Variants in PRAMEF14 observed in about 807,000 individuals in gnomAD.
PRAMEF14 encodes PRAME family member 14.
PRAMEF14 carries 24 observed loss-of-function variants against 38.3 expected under a neutral mutation model. The ratio of observed to expected loss-of-function variants is 0.63; its 90% CI spans 0.45 to 0.88. The LOEUF is 0.88. Ranked by LOEUF, PRAMEF14 falls within the 40% of genes least tolerant of loss-of-function variation. The pLI, the probability that PRAMEF14 is intolerant of heterozygous loss-of-function variation, is 0.00. For synonymous variants in PRAMEF14, 194 were observed against 226.4 expected (o/e 0.86, Z 1.29); for missense variants, 477 against 570.8 (o/e 0.84, Z 1.67).
At chr1:13,345,541 A>G (rs1363454151) in intron 1 of PRAMEF14, among the ~76,000 whole-genome samples, 2 of 150,674 alleles carry the variant, frequency 1.3e-5, no homozygotes, top group Non-Finnish European at 3.0e-5. Context: ...GCCAAGCTCT[A>G]CCTCTTTGAG....
At chr1:13,344,671 T>G in intron 2 of PRAMEF14, 55 bp from the exon 3 acceptor site, 1 of 1,601,310 alleles carries the variant, frequency 6.2e-7, no homozygotes, top group Non-Finnish European at 8.5e-7. Context: ...TCCCTGACCT[T>G]TGCTTTCATT....
At position 13,342,580 on chromosome 1, in the gene PRAMEF14, G is replaced by C; in HGVS notation, c.1373C>G (p.Pro458Arg). ...CTCAGACGGTGATGAGCCACAGGAA[G>C]GGCAGGGGGTGGGACCAATGAAGAT... ...KRIFIGPTPC[P>R]SCGSSPSEEL... The change falls in exon 4 of 4, where the codon CCT becomes CGT. Residue 458 changes from proline (P) to arginine (R), a missense_variant. This residue lies in a region of PRAMEF14 where 151 missense variants were observed against 137.4 expected (regional missense o/e 1.10). Coordinates refer to ENST00000334600, the MANE Select transcript of PRAMEF14 (RefSeq NM_001024661.2). 1.9e-6 allele frequency: 3 copies of C among 1,604,778 alleles called. No individual in the cohort carries two copies. Among genetic ancestry groups the C allele is most frequent in the Non-Finnish European group, 2.5e-6 (3 of 1,177,534 alleles).
At chr1:13,346,836 A>G (rs1390559157) in intron 1 of PRAMEF14, among the ~76,000 whole-genome samples, 1 of 150,702 alleles carries the variant, frequency 6.6e-6, no homozygotes, top group African/African-American at 2.4e-5. Flanking sequence ...TTTTTAAAAA[A>G]CCTGCTTCGA....
At chr1:13,343,183 T>C in intron 3 of PRAMEF14, 97 bp from the exon 4 acceptor site, 1 of 686,112 alleles carries the variant, frequency 1.5e-6, no homozygotes, top group Middle Eastern at 4.1e-4. Context: ...AAACACAAGT[T>C]TGTTCCCACC....
chr1:13,343,454 G>A (rs1640358801), intron 3 of PRAMEF14: 1 of 573,340 alleles, frequency 1.7e-6, no homozygotes, highest in Non-Finnish European at 3.0e-6. Context: ...CATGTCGGCA[G>A]GGGCTCCCTG....
In PRAMEF14 at chr1:13,344,040, G is replaced by T. The variant is rs1408558679; in HGVS notation, c.864C>A (p.Ile288=). The change falls in exon 3 of 4, where the codon ATC becomes ATA. Residue 288 remains isoleucine (I), a splice_region_variant and synonymous_variant. Transcript: ENST00000334600. ...TFFSGHLEQL[I]RCLQNPLENL... ...TAAAGTGCATGATCCTTCCTCACCT[G>T]ATCAGCTGTTCCAGGTGCCCACTGA... is the stretch of plus-strand genomic sequence containing the variant. 2 of 1,608,338 alleles carry T rather than the reference G, an allele frequency of 1.2e-6. No individual in the cohort carries two copies. Among genetic ancestry groups the T allele is most frequent in the African/African-American group, 2.7e-5 (2 of 74,736 alleles).
In PRAMEF14 at chr1:13,342,972, G is replaced by A. The variant is rs1311502747; in HGVS notation, c.981C>T (p.Leu327=). The A allele has an allele frequency of 3.7e-6, 6 of 1,609,292 alleles. No homozygotes were observed. The Admixed American group carries it at 5.0e-5, about 13-fold the overall frequency. ...TGATGCGGAACAGCAGCACGTAGCT[G>A]AGATTCAGATGCTTTAGGTAACCGA... ...PSLGYLKHLN[L]SYVLLFRISL... The change falls in exon 4 of 4, where the codon CTC becomes CTT. Residue 327 remains leucine (L), a synonymous_variant. Coordinates refer to ENST00000334600, the MANE Select transcript of PRAMEF14 (RefSeq NM_001024661.2).
chr1:13,344,076 C>G lies in PRAMEF14; in HGVS notation c.828G>C (p.Leu276Phe), dbSNP rs2100352161. 6.2e-7 allele frequency: 1 copy of G among 1,608,762 alleles called. No individual in the cohort carries two copies. Among genetic ancestry groups the G allele is most frequent in the East Asian group, 2.4e-5 (1 of 42,300 alleles). The change falls in exon 3 of 4, where the codon TTG (leucine) becomes TTC (phenylalanine). Residue 276 changes from leucine to phenylalanine, a missense_variant. Leu to Phe is a conservative substitution (Grantham distance 22). Transcript: ENST00000334600. Reference protein sequence around the residue: ...LEHLQLLKIKLITFFSGHLEQ... With the variant: ...LEHLQLLKIKFITFFSGHLEQ... Reference sequence around the variant, plus strand: ...CCAGGTGCCCACTGAAGAAGGTGATCAATTTTATTTTAAGCAACTGGAGGT... The same window carrying G: ...CCAGGTGCCCACTGAAGAAGGTGATGAATTTTATTTTAAGCAACTGGAGGT...
In PRAMEF14 at chr1:13,345,087, C is replaced by A. The variant is rs1422369484; in HGVS notation, c.228G>T (p.Glu76Asp). 8 of 1,587,412 alleles carry A rather than the reference C, an allele frequency of 5.0e-6. No homozygotes were observed. The highest frequency in any genetic ancestry group is 2.3e-4 in the Middle Eastern group (1 of 4,428). The change falls in exon 2 of 4, where the codon GAG (glutamate) becomes GAT (aspartate). Residue 76 changes from glutamate (E) to aspartate (D), a missense_variant. By Grantham distance (45) the Glu-to-Asp change is conservative. Around this residue, in one of 4 missense-constraint regions of PRAMEF14, gnomAD observed 58 missense variants for 119.9 expected, o/e 0.48. Coordinates refer to ENST00000334600, the MANE Select transcript of PRAMEF14 (RefSeq NM_001024661.2). ...GCCCTTCCAGCAATGCTTTTAAGGT[C>A]TCCAAATGAAGCGTCTTCATCAGTG... ...LGSLMKTLHLETLKALLEGLH... is the reference protein window; with the variant it reads ...LGSLMKTLHLDTLKALLEGLH...
In PRAMEF14 at chr1:13,344,138, C is replaced by T. The variant is rs1640368402; in HGVS notation, c.766G>A (p.Val256Ile). Residue 256 changes from valine (V) to isoleucine (I), a missense_variant, in exon 3 of 4, where the codon GTC (valine) becomes ATC (isoleucine). Around this residue, in one of 4 missense-constraint regions of PRAMEF14, gnomAD observed 234 missense variants for 247.4 expected, o/e 0.95. Coordinates refer to ENST00000334600, the MANE Select transcript of PRAMEF14 (RefSeq NM_001024661.2). ...MSDNELEGRL[V>I]TKFSSVFLRL... ...AGGAACACAGAGCTGAATTTGGTGA[C>T]TAACCGTCCTTCGAGTTCATTATCT... 6.2e-7 allele frequency: 1 copy of T among 1,606,314 alleles called. No individual in the cohort carries two copies. Among genetic ancestry groups the T allele is most frequent in the African/African-American group, 1.3e-5 (1 of 74,796 alleles).
intron 1 of PRAMEF14, among the ~76,000 whole-genome samples, chr1:13,345,739 C>G (rs1336044980): frequency 3.0e-3 from 443 of 147,716 alleles, no homozygotes; most frequent in South Asian, 5.8e-3. Flanking sequence ...TGCTGTGGCT[C>G]ATGTCTGTAA....
In PRAMEF14 at chr1:13,342,814, G is replaced by T. The variant is rs759014129; in HGVS notation, c.1139C>A (p.Thr380Asn). Residue 380 changes from threonine (T) to asparagine (N), a missense_variant, in exon 4 of 4, where the codon ACC becomes AAC. Thr to Asn is a moderately conservative substitution (Grantham distance 65, BLOSUM62 0). Around this residue, in one of 4 missense-constraint regions of PRAMEF14, gnomAD observed 151 missense variants for 137.4 expected, o/e 1.10. Coordinates refer to ENST00000334600, the MANE Select transcript of PRAMEF14 (RefSeq NM_001024661.2). ...LPGLSHCSQL[T>N]TFYFGRNCMS... ...ACAATTTCTGCCAAAGTAGAAGGTGGTGAGCTGGGAGCAGTGGCTCAGGCC... is the reference window on the plus strand; with the variant it reads ...ACAATTTCTGCCAAAGTAGAAGGTGTTGAGCTGGGAGCAGTGGCTCAGGCC... The T allele has an allele frequency of 6.2e-7, 1 of 1,607,786 alleles. No homozygotes were observed. The highest frequency in any genetic ancestry group is 2.3e-5 in the East Asian group (1 of 42,684).
rs1640406672 is a variant in PRAMEF14 at position 13,346,497 on chromosome 1, A to C, written c.-26+560T>G. Among the ~76,000 whole-genome samples, 3 of 150,162 alleles carry C rather than the reference A, an allele frequency of 2.0e-5. 1 individual carries two copies. The South Asian group carries it at 6.4e-4, about 32-fold the overall frequency. ...ACTGCAGCCTGGGCAACAATAGGGA[A>C]ACTCCATCTCAAAAACTGTAAAAGT... is the stretch of plus-strand genomic sequence containing the variant. On this transcript the variant is annotated intron_variant, in intron 1 of 3. Coordinates refer to ENST00000334600, the MANE Select transcript of PRAMEF14 (RefSeq NM_001024661.2).
chr1:13,346,190 C>T (rs1640402978), intron 1 of PRAMEF14, among the ~76,000 whole-genome samples: 1 of 150,782 alleles, frequency 6.6e-6, no homozygotes, highest in Non-Finnish European at 1.5e-5. Flanking sequence ...TGGTATTCCA[C>T]AGCATTTGGA....
At chr1:13,345,898 A>G (rs1326828539) in intron 1 of PRAMEF14, among the ~76,000 whole-genome samples, 4,746 of 147,678 alleles carry the variant, frequency 0.032, 121 homozygotes, top group East Asian at 0.18. Flanking sequence ...GCAGTGAGCC[A>G]AGATCTCACC....
chr1:13,344,955 T>C (rs1640382076), intron 2 of PRAMEF14, 73 bp downstream of exon 2: 4 of 1,475,760 alleles, frequency 2.7e-6, no homozygotes, highest in South Asian at 1.2e-5. Context: ...CTTGGGCTAC[T>C]TCTCTGCCTG....
chr1:13,342,768 C>T lies in PRAMEF14; in HGVS notation c.1185G>A (p.Lys395=), dbSNP rs1553186881. The stretch of plus-strand genomic sequence containing the variant: ...GCCCACTGGTGTGGCACAACAGGTC[C>T]TTCAGGGCACCCATAGACATACAAT... ...GRNCMSMGAL[K]DLLCHTSGLS... is the part of the protein sequence containing the mutation. The change falls in exon 4 of 4, where the codon AAG becomes AAA. Residue 395 remains lysine, a synonymous_variant. Transcript: ENST00000334600. The T allele has an allele frequency of 6.2e-7, 1 of 1,603,950 alleles. No individual in the cohort carries two copies. Among genetic ancestry groups the T allele is most frequent in the East Asian group, 2.4e-5 (1 of 41,686 alleles).
intron 1 of PRAMEF14, among the ~76,000 whole-genome samples, chr1:13,346,183 T>C (rs1242751948): frequency 6.6e-6 from 1 of 150,758 alleles, no homozygotes; most frequent in Non-Finnish European, 1.5e-5. Context: ...GGTGTGATGG[T>C]ATTCCACAGC....
intron 1 of PRAMEF14, 72 bp downstream of exon 1, chr1:13,346,985 G>T (rs1640411849): frequency 6.7e-6 from 1 of 149,850 alleles, no homozygotes; most frequent in African/African-American, 2.4e-5. Context: ...GCCACTTTGG[G>T]ATGTGTGTCA....
Sources: allele counts gnomAD v4.1 joint callset (sites outside exome capture counted in the v4.1 genomes callset), GRCh38; gene constraint gnomAD v4.1.1; regional missense constraint gnomAD v4.1.1; transcripts MANE v1.5; gene names NCBI Gene and HGNC (gene_info 2026-07-23, HGNC 2026-07-21).